Variants in RAB33A observed in about 807,000 individuals in gnomAD.
RAB33A encodes the protein ras-related protein Rab-33A.
RAB33A carries 6 observed loss-of-function variants against 12.0 expected under a neutral mutation model. The ratio of observed to expected loss-of-function variants is 0.50; its 90% confidence interval spans 0.27 to 0.99. The LOEUF is 0.99. RAB33A is among the 50% of genes least tolerant of loss of function. The pLI, the probability that RAB33A is intolerant of heterozygous loss-of-function variation, is 0.11. For synonymous variants in RAB33A, 70 were observed against 82.4 expected (o/e 0.85, Z 0.81); for missense variants, 109 against 192.0 (o/e 0.57, Z 2.55).
At chrX:130,141,138 A>G in the RAB33A span, among the ~76,000 whole-genome samples, 4 of 111,836 alleles carry the variant, frequency 3.6e-5, no homozygotes, top group Non-Finnish European at 7.5e-5. Flanking sequence ...AAACAAAAAA[A>G]CCCCAAAACC....
chrX:130,153,301 C>T, the RAB33A span, among the ~76,000 whole-genome samples: 2 of 99,647 alleles, frequency 2.0e-5, no homozygotes, highest in African/African-American at 3.7e-5. Context: ...ATCAGTTAGC[C>T]GAGATCGCGC....
chrX:130,137,638 G>A, the RAB33A span: 3 of 1,118,280 alleles, frequency 2.7e-6, no homozygotes, highest in East Asian at 9.9e-5. Context: ...CATTTTACAG[G>A]AAGCAGCAGT....
At chrX:130,169,441 A>T (rs1569425288), upstream of RAB33A, among the ~76,000 whole-genome samples, 1 of 111,953 alleles carries the variant, frequency 8.9e-6, no homozygotes, top group Non-Finnish European at 1.9e-5. Context: ...AAGTAATTTA[A>T]TAATGCACAA....
the RAB33A span, chrX:130,156,383 T>G: frequency 8.5e-7 from 1 of 1,182,388 alleles, no homozygotes; most frequent in Non-Finnish European, 1.1e-6. Flanking sequence ...GTTGCAAAAG[T>G]TTTAAAGCAG....
At chrX:130,135,881 C>G in the RAB33A span, among the ~76,000 whole-genome samples, 1 of 111,942 alleles carries the variant, frequency 8.9e-6, no homozygotes, top group Non-Finnish European at 1.9e-5. Flanking sequence ...CATACCTGGT[C>G]TTCTGAATCA....
At chrX:130,149,929 C>T in the RAB33A span, among the ~76,000 whole-genome samples, 1 of 111,920 alleles carries the variant, frequency 8.9e-6, no homozygotes, top group Non-Finnish European at 1.9e-5. Context: ...AGCACAGAAA[C>T]GGGGTTTGGA....
intron 1 of RAB33A, among the ~76,000 whole-genome samples, chrX:130,180,628 T>A (rs1259019889): frequency 9.4e-6 from 1 of 106,774 alleles, no homozygotes; most frequent in East Asian, 3.0e-4. Flanking sequence ...CTAATTTTTT[T>A]ATATTTTTTG....
chrX:130,130,289 T>A, the RAB33A span: 1 of 788,783 alleles, frequency 1.3e-6, no homozygotes, highest in Non-Finnish European at 1.9e-6. Context: ...TTCTAGAGGA[T>A]TTATTTCTCT....
intron 1 of RAB33A, among the ~76,000 whole-genome samples, chrX:130,178,026 A>C (rs2031680616): frequency 8.9e-6 from 1 of 112,359 alleles, no homozygotes; most frequent in African/African-American, 3.2e-5. Context: ...ACTCTCAAAC[A>C]AAATGAGATC....
chrX:130,130,089 G>T, the RAB33A span: 9 of 1,209,957 alleles, frequency 7.4e-6, no homozygotes, highest in East Asian at 1.8e-4. Context: ...GGAGCCTGTG[G>T]AACTGCCGGG....
the RAB33A span, among the ~76,000 whole-genome samples, chrX:130,163,678 A>G: frequency 1.8e-5 from 2 of 112,258 alleles, no homozygotes; most frequent in African/African-American, 6.5e-5. Flanking sequence ...AAACCATTTG[A>G]GTCTGTATTT....
At chrX:130,114,649 A>G in the RAB33A span, among the ~76,000 whole-genome samples, 26 of 110,895 alleles carry the variant, frequency 2.3e-4, no homozygotes, top group Non-Finnish European at 4.0e-4. Context: ...CCAGTCTCCA[A>G]CCCTGACTGG....
At chrX:130,141,258 G>A in the RAB33A span, among the ~76,000 whole-genome samples, 2 of 112,061 alleles carry the variant, frequency 1.8e-5, no homozygotes, top group African/African-American at 3.2e-5. Flanking sequence ...AAGTAATCAT[G>A]GGAACCACAG....
chrX:130,113,018 G>C, the RAB33A span, among the ~76,000 whole-genome samples: 1 of 103,088 alleles, frequency 9.7e-6, no homozygotes, highest in East Asian at 3.0e-4. Flanking sequence ...TGGGGTATCT[G>C]TCACCTCAAG....
At chrX:130,180,253 G>A (rs1196270807) in intron 1 of RAB33A, among the ~76,000 whole-genome samples, 1 of 111,722 alleles carries the variant, frequency 9.0e-6, no homozygotes, top group East Asian at 2.8e-4. Context: ...GTTTCCTGAA[G>A]AGGTGAATGG....
At chrX:130,139,189 G>A in the RAB33A span, among the ~76,000 whole-genome samples, 532 of 110,910 alleles carry the variant, frequency 4.8e-3, 3 homozygotes, top group African/African-American at 0.016. Flanking sequence ...AAAATTAGCC[G>A]GTCGTGGTGG....
chrX:130,164,133 A>T, the RAB33A span, among the ~76,000 whole-genome samples: 1 of 102,864 alleles, frequency 9.7e-6, no homozygotes, highest in Non-Finnish European at 2.0e-5. Context: ...GCGCCACTGC[A>T]CTCCAGCCTG....
the RAB33A span, among the ~76,000 whole-genome samples, chrX:130,146,255 T>C: frequency 1.8e-5 from 2 of 110,794 alleles, no homozygotes; most frequent in African/African-American, 3.3e-5. Context: ...TTGGGCAACA[T>C]AGCAACATCT....
the RAB33A span, among the ~76,000 whole-genome samples, chrX:130,139,193 G>A: frequency 9.0e-5 from 10 of 110,894 alleles, no homozygotes; most frequent in African/African-American, 3.3e-4. Flanking sequence ...TTAGCCGGTC[G>A]TGGTGGCACA....
Sources: gnomAD v4.1 joint callset for allele counts (sites outside exome capture counted in the v4.1 genomes callset) on GRCh38, gnomAD v4.1.1 for gene constraint, MANE v1.5 for transcripts, NCBI Gene and HGNC (gene_info 2026-07-23, HGNC 2026-07-21) for gene names.